Variants in ZNF143 observed in about 807,000 individuals in gnomAD.
ZNF143 encodes SPH-binding factor.
In ZNF143, 49 loss-of-function variants were observed where a neutral mutation model predicts 74.1. The observed-to-expected ratio is 0.66, with a 90% CI of 0.53 to 0.84. ZNF143 has a LOEUF of 0.84. Among genes scored for constraint, ZNF143 ranks in the 40% least tolerant of loss-of-function variants. The pLI is 0.00. For synonymous variants in ZNF143, 304 were observed against 282.8 expected (o/e 1.07, Z -0.75); for missense variants, 637 against 793.4 (o/e 0.80, Z 2.37).
chr11:9,496,961 G>T (rs993556761), intron 9 of ZNF143, among the ~76,000 whole-genome samples: 3 of 152,172 alleles, frequency 2.0e-5, no homozygotes, highest in Non-Finnish European at 4.4e-5. Flanking sequence ...GAAAATAAAA[G>T]CCAAGCTTTA....
chr11:9,515,120 C>T (rs202149322), intron 13 of ZNF143, among the ~76,000 whole-genome samples: 3 of 151,702 alleles, frequency 2.0e-5, no homozygotes, highest in East Asian at 3.9e-4. Flanking sequence ...AAGAGTGAAA[C>T]TCCTCAAAAA....
At chr11:9,502,938 C>G (rs1462535630) in intron 11 of ZNF143, among the ~76,000 whole-genome samples, 1 of 152,158 alleles carries the variant, frequency 6.6e-6, no homozygotes, top group Non-Finnish European at 1.5e-5. Context: ...TCACACCATT[C>G]TCCTGCCTCA....
chr11:9,472,385 TG>T, intron 2 of ZNF143, among the ~76,000 whole-genome samples: 1 of 152,312 alleles, frequency 6.6e-6, no homozygotes, highest in Middle Eastern at 3.4e-3. Context: ...CCCAAGTAGC[TG>T]GGACTACAAG....
intron 11 of ZNF143, among the ~76,000 whole-genome samples, chr11:9,503,530 G>T (rs1360004757): frequency 6.6e-6 from 1 of 151,970 alleles, no homozygotes; most frequent in Non-Finnish European, 1.5e-5. Context: ...TATTATCCCA[G>T]CTAACAGTTG....
At chr11:9,508,959 C>T in intron 12 of ZNF143, 113 bp downstream of exon 12, 2 of 1,109,846 alleles carry the variant, frequency 1.8e-6, no homozygotes, top group Admixed American at 2.3e-5. Flanking sequence ...CGTATAATCA[C>T]ATAAACATAA....
rs1333373931 is a variant in ZNF143 at position 9,496,298 on chromosome 11, C to A, written c.766-5C>A. 2 of 1,613,836 alleles carry A rather than the reference C, an allele frequency of 1.2e-6. No homozygotes were observed. Among genetic ancestry groups the A allele is most frequent in the Non-Finnish European group, 1.7e-6 (2 of 1,179,766 alleles). On this transcript the variant is annotated splice_region_variant and splice_polypyrimidine_tract_variant and intron_variant, in intron 8 of 15. Transcript: ENST00000396602. The stretch of plus-strand genomic sequence containing the variant: ...AATAGAATCATGCCTGCATTTTAAT[C>A]ACAGGTCCATGAGAGGTCACACACA...
Position 9,485,975 on chromosome 11 carries a change from T to C in ZNF143, c.645+6429T>C, listed in dbSNP as rs558119596. Among the ~76,000 whole-genome samples, 5 of 151,350 alleles carry C rather than the reference T, an allele frequency of 3.3e-5. 1 individual carries two copies. Among genetic ancestry groups the C allele is most frequent in the African/African-American group, 1.2e-4 (5 of 40,738 alleles). On this transcript the variant is annotated intron_variant, in intron 7 of 15. Coordinates refer to ENST00000396602, the MANE Select transcript of ZNF143 (RefSeq NM_003442.6). Reference sequence around the variant, plus strand: ...ATTACAGAAGCTCTGCCAGTTAGGTTCCACTGGACTACAGCATCCTGAAAC... The same window carrying C: ...ATTACAGAAGCTCTGCCAGTTAGGTCCCACTGGACTACAGCATCCTGAAAC...
chr11:9,513,105 C>T (rs545181088), intron 13 of ZNF143, among the ~76,000 whole-genome samples: 1 of 152,318 alleles, frequency 6.6e-6, no homozygotes, highest in East Asian at 1.9e-4. Context: ...GTTAGCCAAA[C>T]TTGTTATTAT....
chr11:9,500,801 T>A (rs1848131178), intron 10 of ZNF143, among the ~76,000 whole-genome samples: 1 of 152,216 alleles, frequency 6.6e-6, no homozygotes, highest in African/African-American at 2.4e-5. Flanking sequence ...TTTCTTATGT[T>A]TTTCTCTCTG....
Position 9,471,315 on chromosome 11 carries a change from T to C in ZNF143, c.7T>C (p.Leu3=). ML[L]AQINRDSQGM... Reference sequence around the variant, plus strand: ...TTTTTCTTCAAGGTAGAAGATGTTGTTAGCCCAAATAAATCGAGATTCTCA... The same window carrying C: ...TTTTTCTTCAAGGTAGAAGATGTTGCTAGCCCAAATAAATCGAGATTCTCA... Residue 3 remains leucine, a synonymous_variant, in exon 2 of 16, where the codon TTA becomes CTA. Transcript: ENST00000396602. The C allele has an allele frequency of 1.9e-6, 3 of 1,609,138 alleles. No homozygotes were observed. Among genetic ancestry groups the C allele is most frequent in the South Asian group, 1.1e-5 (1 of 89,634 alleles).
intron 3 of ZNF143, 32 bp downstream of exon 3, chr11:9,472,801 T>A (rs1856660758): frequency 6.7e-7 from 1 of 1,484,422 alleles, no homozygotes; most frequent in African/African-American, 1.4e-5. Flanking sequence ...GATTGGTTAA[T>A]ACCAGTGATT....
rs954404348 is a variant in ZNF143 at position 9,520,025 on chromosome 11, A to ATTTT, written c.1686+3689_1686+3692dup. 3.9e-3 allele frequency among the ~76,000 whole-genome samples: 352 copies of ATTTT among 91,370 alleles called. 24 individuals carry two copies. The highest frequency in any genetic ancestry group is 0.015 in the African/African-American group (325 of 21,018). 59.9% of individuals were successfully genotyped at this position (91,370 alleles called of 152,430 possible). A position where few individuals can be genotyped will look rare whatever the true frequency, so the allele number is the denominator to read the frequency against. Reference sequence around the variant, plus strand: ...ATGTAGCAAGACACTGTTTCCACCAATTTTTTTTTTTTTTTTTTTTTTTTT... The same window carrying ATTTT: ...ATGTAGCAAGACACTGTTTCCACCAATTTTTTTTTTTTTTTTTTTTTTTTTTTTT... On this transcript the variant is annotated intron_variant, in intron 14 of 15. Transcript: ENST00000396602.
intron 7 of ZNF143, among the ~76,000 whole-genome samples, chr11:9,485,033 G>A (rs1365495643): frequency 6.7e-6 from 1 of 149,410 alleles, no homozygotes. Context: ...TCCTGACCTC[G>A]TGATCTGCCT....
intron 13 of ZNF143, among the ~76,000 whole-genome samples, chr11:9,514,004 C>A (rs1394413491): frequency 6.0e-4 from 91 of 152,306 alleles, no homozygotes; most frequent in South Asian, 4.1e-4. Context: ...GGGCAAAGTG[C>A]AGTGGCAGAA....
chr11:9,517,012 TCAAA>T (rs1199592873), intron 14 of ZNF143, among the ~76,000 whole-genome samples: 1 of 152,200 alleles, frequency 6.6e-6, no homozygotes, highest in African/African-American at 2.4e-5. Flanking sequence ...CCTCCCAGGC[TCAAA>T]CAATCCTCCC....
intron 2 of ZNF143, 127 bp from the exon 3 acceptor site, chr11:9,472,550 C>A: frequency 1.3e-6 from 1 of 797,304 alleles, no homozygotes; most frequent in Non-Finnish European, 2.0e-6. Flanking sequence ...CTGCACCCGG[C>A]CGCTAAATCT....
At chr11:9,484,066 A>G (rs541973673) in intron 7 of ZNF143, among the ~76,000 whole-genome samples, 2 of 151,470 alleles carry the variant, frequency 1.3e-5, no homozygotes, top group Admixed American at 6.6e-5. Context: ...TTTTAATCAC[A>G]TATGTGGCTT....
At chr11:9,501,291 G>C in intron 11 of ZNF143, 21 bp downstream of exon 11, 1 of 1,607,992 alleles carries the variant, frequency 6.2e-7, no homozygotes, top group Non-Finnish European at 8.5e-7. Flanking sequence ...CTGATCTTTT[G>C]GTCTTTTATC....
intron 1 of ZNF143, among the ~76,000 whole-genome samples, chr11:9,470,582 A>G (rs1466221577): frequency 2.0e-5 from 3 of 152,190 alleles, no homozygotes; most frequent in African/African-American, 7.2e-5. Context: ...AAGGCAGCAG[A>G]ACATCCAATA....
Sources: gnomAD v4.1 joint callset for allele counts (sites outside exome capture counted in the v4.1 genomes callset) on GRCh38, gnomAD v4.1.1 for gene constraint, MANE v1.5 for transcripts, NCBI Gene and HGNC (gene_info 2026-07-23, HGNC 2026-07-21) for gene names.